Variants in PTPN3 observed in about 807,000 individuals in gnomAD.
PTPN3 encodes the protein protein tyrosine phosphatase non-receptor type 3, also known as tyrosine-protein phosphatase non-receptor type 3.
Under a neutral mutation model 132.7 loss-of-function variants are expected in PTPN3, and 96 were observed. That is an observed-to-expected ratio of 0.72 (90% CI 0.61 to 0.86). PTPN3 has a LOEUF of 0.86. Ranked by LOEUF, PTPN3 falls within the 40% of genes least tolerant of loss-of-function variation. PTPN3 has a pLI of 0.00. For missense variants in PTPN3, 1,125 were observed against 1,159.6 expected, an observed-to-expected ratio of 0.97 and a Z score of 0.43; for synonymous variants, 398 against 429.0, an observed-to-expected ratio of 0.93 and a Z score of 0.89.
rs1274397754 is a variant in PTPN3 at position 109,451,329 on chromosome 9, C to G, written c.369-2474G>C. On this transcript the variant is annotated intron_variant, in intron 5 of 25. Transcript: ENST00000374541. ...CTGTTGCAGTAAGATAAATCTGGTG[C>G]CCAAATCCCAGAAGGTCATAGTTAC... is the stretch of plus-strand genomic sequence containing the variant. 10 of 978,718 alleles carry G rather than the reference C, an allele frequency of 1.0e-5. No individual in the cohort carries two copies. The South Asian group carries it at 3.3e-4, about 32-fold the overall frequency. The allele number at this position is 978,718 out of a possible 1,614,324, so 60.6% of individuals were successfully genotyped here.
intron 7 of PTPN3, among the ~76,000 whole-genome samples, chr9:109,438,977 G>T (rs1245580424): frequency 6.6e-6 from 1 of 152,168 alleles, no homozygotes; most frequent in African/African-American, 2.4e-5. Context: ...GAAAAGGAAG[G>T]GTGACTTCCA....
the PTPN3 span, among the ~76,000 whole-genome samples, chr9:109,518,287 C>T: frequency 1.3e-5 from 2 of 152,190 alleles, no homozygotes; most frequent in Admixed American, 6.5e-5. Context: ...GGCTCTATGC[C>T]AGGAGCTGAG....
At chr9:109,433,025 T>C in intron 10 of PTPN3, 48 bp downstream of exon 10, 1 of 1,603,370 alleles carries the variant, frequency 6.2e-7, no homozygotes, top group Non-Finnish European at 8.5e-7. Flanking sequence ...TTGTTAGGCA[T>C]ATTTTTAAAG....
the PTPN3 span, among the ~76,000 whole-genome samples, chr9:109,527,772 T>TA: frequency 6.6e-6 from 1 of 152,124 alleles, no homozygotes; most frequent in Non-Finnish European, 1.5e-5. Flanking sequence ...AATAGATAAG[T>TA]AAAATGAATA....
the PTPN3 span, among the ~76,000 whole-genome samples, chr9:109,531,368 T>C: frequency 5.3e-5 from 8 of 152,220 alleles, no homozygotes; most frequent in African/African-American, 1.9e-4. Context: ...TAAGACAAGC[T>C]GGACTAAGGT....
At chr9:109,408,187 G>A in intron 17 of PTPN3, 134 bp downstream of exon 17, 1 of 626,370 alleles carries the variant, frequency 1.6e-6, no homozygotes, top group South Asian at 3.0e-5. Flanking sequence ...CAAGGTTATA[G>A]AAAACATGGT....
the PTPN3 span, among the ~76,000 whole-genome samples, chr9:109,512,857 C>A: frequency 6.6e-6 from 1 of 152,108 alleles, no homozygotes; most frequent in Non-Finnish European, 1.5e-5. Flanking sequence ...TGCTCTGAAC[C>A]CTGCATTACC....
chr9:109,409,984 A>G lies in PTPN3; in HGVS notation c.1578+15T>C. ...CTTCCCAGCACAAAACTTCCTTTAT[A>G]AATACACAACATACCTTAAGATTAA... On this transcript the variant is annotated intron_variant, in intron 16 of 25. Transcript: ENST00000374541. The G allele has an allele frequency of 3.7e-6, 6 of 1,612,992 alleles. No individual in the cohort carries two copies. The East Asian group carries it at 1.3e-4, about 36-fold the overall frequency.
chr9:109,418,196 T>C (rs1011251923), intron 14 of PTPN3, among the ~76,000 whole-genome samples: 3 of 152,212 alleles, frequency 2.0e-5, no homozygotes, highest in Non-Finnish European at 2.9e-5. Flanking sequence ...AGGCTGATAA[T>C]GTGCTATTTG....
At chr9:109,386,969 G>C (rs1306814970) in intron 22 of PTPN3, among the ~76,000 whole-genome samples, 3 of 152,216 alleles carry the variant, frequency 2.0e-5, no homozygotes, top group Non-Finnish European at 4.4e-5. Context: ...GGGGGACAGA[G>C]AGGGGAGACT....
the PTPN3 span, among the ~76,000 whole-genome samples, chr9:109,537,623 A>G: frequency 6.6e-6 from 1 of 152,186 alleles, no homozygotes; most frequent in Non-Finnish European, 1.5e-5. Flanking sequence ...ATTAATCTGA[A>G]AGATTGGGGC....
chr9:109,528,857 A>G, the PTPN3 span, among the ~76,000 whole-genome samples: 1 of 151,976 alleles, frequency 6.6e-6, no homozygotes, highest in African/African-American at 2.4e-5. Flanking sequence ...GTACATATCT[A>G]ATCATCTTAA....
Position 109,378,606 on chromosome 9 carries a change from T to C in PTPN3, c.*950A>G, listed in dbSNP as rs144086616. 1 of 152,746 alleles carries C rather than the reference T, an allele frequency of 6.5e-6. No individual in the cohort carries two copies. Among genetic ancestry groups the C allele is most frequent in the East Asian group, 1.9e-4 (1 of 5,186 alleles). The allele number at this position is 152,746 out of a possible 1,614,324, so 9.5% of individuals were successfully genotyped here. ...CTCCAGAAGCTGGGTTTCCCATGGT[T>C]CAATTACTAGAAGCTCTTTTCTCAG... On this transcript the variant is annotated 3_prime_UTR_variant, in exon 26 of 26. Coordinates refer to ENST00000374541, the MANE Select transcript of PTPN3 (RefSeq NM_002829.4).
chr9:109,505,753 CT>C, the PTPN3 span, among the ~76,000 whole-genome samples: 390 of 143,236 alleles, frequency 2.7e-3, no homozygotes, highest in Middle Eastern at 3.6e-3. Context: ...ACATCAACTT[CT>C]TTTTTTTTTT....
chr9:109,407,026 C>A (rs1040237616), intron 17 of PTPN3, among the ~76,000 whole-genome samples: 7 of 152,166 alleles, frequency 4.6e-5, no homozygotes, highest in South Asian at 2.1e-4. Flanking sequence ...GTAAGCTTCA[C>A]AACAGAGGCA....
chr9:109,474,362 T>C (rs539684760), intron 1 of PTPN3, among the ~76,000 whole-genome samples: 6 of 152,130 alleles, frequency 3.9e-5, no homozygotes, highest in Middle Eastern at 6.8e-3. Context: ...GGCAAAGGAG[T>C]TCCGCATCAT....
At chr9:109,532,583 T>TAA in the PTPN3 span, among the ~76,000 whole-genome samples, 60 of 127,994 alleles carry the variant, frequency 4.7e-4, no homozygotes, top group African/African-American at 1.4e-3. Context: ...AAAACAGGCT[T>TAA]TAAAAAAAAA....
chr9:109,531,405 T>C, the PTPN3 span, among the ~76,000 whole-genome samples: 2 of 152,256 alleles, frequency 1.3e-5, no homozygotes, highest in East Asian at 3.9e-4. Context: ...CTTGATCTTA[T>C]TAACCCTGAT....
At chr9:109,424,709 C>T (rs1843118598) in intron 12 of PTPN3, among the ~76,000 whole-genome samples, 1 of 152,058 alleles carries the variant, frequency 6.6e-6, no homozygotes, top group Non-Finnish European at 1.5e-5. Flanking sequence ...TGGCCACATT[C>T]ACTGAGAAAT....
Sources: allele counts gnomAD v4.1 joint callset (sites outside exome capture counted in the v4.1 genomes callset), GRCh38; gene constraint gnomAD v4.1.1; transcripts MANE v1.5; gene names NCBI Gene and HGNC (gene_info 2026-07-23, HGNC 2026-07-21).